MMACHC: variants seen among roughly 807,000 people sequenced by gnomAD.
MMACHC encodes the protein cyanocobalamin reductase / alkylcobalamin dealkylase.
In MMACHC, 14 loss-of-function variants were observed where a neutral mutation model predicts 17.6. The observed-to-expected ratio is 0.80, with a 90% CI of 0.53 to 1.25. The LOEUF (loss-of-function observed/expected upper bound fraction) is 1.25, where lower values mean the gene tolerates loss of function less well. MMACHC is among the 50% of genes most tolerant of loss of function. The pLI is 0.00. For synonymous variants in MMACHC, 151 were observed against 142.1 expected (o/e 1.06, Z -0.45); for missense variants, 392 against 364.5 (o/e 1.08, Z -0.62).
Position 45,507,416 on chromosome 1 carries a change from C to G in MMACHC, c.142C>G (p.Leu48Val). ...AFHLPLPGPTLAFLVLSTPAM... is the reference protein window; with the variant it reads ...AFHLPLPGPTVAFLVLSTPAM... ...CCACCTACCGCTGCCAGGACCTACC[C>G]TGGCCTTCCTGGTACTCAGCACGCC... The change falls in exon 2 of 4, where the codon CTG (leucine) becomes GTG (valine). Residue 48 changes from leucine (L) to valine (V), a missense_variant. Coordinates refer to ENST00000401061, the MANE Select transcript of MMACHC (RefSeq NM_015506.3). The G allele has an allele frequency of 6.2e-7, 1 of 1,614,182 alleles. No individual in the cohort carries two copies. Among genetic ancestry groups the G allele is most frequent in the Middle Eastern group, 1.6e-4 (1 of 6,062 alleles).
At position 45,512,108 on chromosome 1, in the gene MMACHC, T is replaced by TCC. The variant is rs1643762713; in HGVS notation, c.*2895_*2896dup. The TCC allele has an allele frequency of 1.8e-5, 2 of 113,324 alleles. No individual in the cohort carries two copies. Among genetic ancestry groups the TCC allele is most frequent in the East Asian group, 6.3e-4 (2 of 3,200 alleles). 7.0% of individuals were successfully genotyped at this position (113,324 alleles called of 1,614,324 possible). A position where few individuals can be genotyped will look rare whatever the true frequency, so the allele number is the denominator to read the frequency against. On this transcript the variant is annotated 3_prime_UTR_variant, in exon 4 of 4. Transcript: ENST00000401061. ...TTTTTTTTTTTTTTGAGATGGAGTC[T>TCC]CCCTCTGTTGCCCAGGCTGGAGTAC...
In MMACHC at chr1:45,510,076, C is replaced by CA. The variant is rs986671995; in HGVS notation, c.*877dup. On this transcript the variant is annotated 3_prime_UTR_variant, in exon 4 of 4. Transcript: ENST00000401061. ...TGGGTGACAGTGTGAGACTCTGTCT[C>CA]AAAAAAAAAAAAAAAAGTACCTACC... is the stretch of plus-strand genomic sequence containing the variant. 1,213 of 103,556 alleles carry CA rather than the reference C, an allele frequency of 0.012. 21 individuals carry two copies. The highest frequency in any genetic ancestry group is 0.075 in the Middle Eastern group (15 of 200). The allele number at this position is 103,556 out of a possible 1,614,324, so 6.4% of individuals were successfully genotyped here. A position where few individuals can be genotyped will look rare whatever the true frequency, so the allele number is the denominator to read the frequency against.
Position 45,500,407 on chromosome 1 carries a change from C to A in MMACHC, c.75C>A (p.Pro25=), listed in dbSNP as rs749003802. 3 of 1,614,174 alleles carry A rather than the reference C, an allele frequency of 1.9e-6. No individual in the cohort carries two copies. Among genetic ancestry groups the A allele is most frequent in the Admixed American group, 1.7e-5 (1 of 60,024 alleles). ...TLCPFGFEVY[P]FQVAWYNELL... ...GTCCTTTTGGCTTCGAGGTTTACCC[C>A]TTCCAGGTTAGTTTATCCCTCCTGC... The change falls in exon 1 of 4, where the codon CCC becomes CCA. Residue 25 remains proline (P), a synonymous_variant. Coordinates refer to ENST00000401061, the MANE Select transcript of MMACHC (RefSeq NM_015506.3).
rs148165542 is a variant in MMACHC at position 45,505,522 on chromosome 1, G to T, written c.82-1834G>T. 3.9e-3 allele frequency among the ~76,000 whole-genome samples: 599 copies of T among 152,106 alleles called. 3 individuals carry two copies. Among genetic ancestry groups the T allele is most frequent in the African/African-American group, 0.013 (538 of 41,538 alleles). ...TTACCCAGGCTGGTCTAAAACTCTT[G>T]GCCCCAAGCAGTCCTCCTACCTCAG... On this transcript the variant is annotated intron_variant, in intron 1 of 3. Transcript: ENST00000401061.
intron 1 of MMACHC, among the ~76,000 whole-genome samples, chr1:45,500,958 T>C (rs1353116549): frequency 6.6e-6 from 1 of 151,804 alleles, no homozygotes; most frequent in Non-Finnish European, 1.5e-5. Flanking sequence ...ATATGACCTG[T>C]AGCGTGTGTG....
At position 45,502,957 on chromosome 1, in the gene MMACHC, G is replaced by A. The variant is rs150400791; in HGVS notation, c.81+2544G>A. 5.9e-3 allele frequency among the ~76,000 whole-genome samples: 899 copies of A among 151,960 alleles called. 7 individuals are homozygous for A. Among genetic ancestry groups the A allele is most frequent in the Middle Eastern group, 0.034 (10 of 294 alleles). On this transcript the variant is annotated intron_variant, in intron 1 of 3. Transcript: ENST00000401061. ...CGACCTCAGGTGATCTGCCTGCGTT[G>A]GCCTCCCAAAGTGCTGGAATTACAG...
rs1044617218 is a variant in MMACHC, at chr1:45,510,150, T to A, written c.*935T>A. Reference sequence around the variant, plus strand: ...GTGTAAGGCACTTTGGAAAAATACCTGGCATATATAGTAAGCAGTATGTTG... The same window carrying A: ...GTGTAAGGCACTTTGGAAAAATACCAGGCATATATAGTAAGCAGTATGTTG... On this transcript the variant is annotated 3_prime_UTR_variant, in exon 4 of 4. Transcript: ENST00000401061. 2 of 151,890 alleles carry A rather than the reference T, an allele frequency of 1.3e-5. No homozygotes were observed. The highest frequency in any genetic ancestry group is 4.8e-5 in the African/African-American group (2 of 41,334). 9.4% of individuals were successfully genotyped at this position (151,890 alleles called of 1,614,324 possible).
In MMACHC at chr1:45,511,940, G is replaced by A. The variant is rs2149325805; in HGVS notation, c.*2725G>A. ...GCCATCTACCCCTTGGTAAGCAAAA[G>A]GCAGAGTTTGAAATTTTTCATAGAT... On this transcript the variant is annotated 3_prime_UTR_variant, in exon 4 of 4. Transcript: ENST00000401061. The A allele has an allele frequency of 6.6e-6, 1 of 152,300 alleles. No individual in the cohort carries two copies. Among genetic ancestry groups the A allele is most frequent in the Non-Finnish European group, 1.5e-5 (1 of 68,080 alleles). 9.4% of individuals were successfully genotyped at this position (152,300 alleles called of 1,614,324 possible).
chr1:45,507,259 AG>A, intron 1 of MMACHC, 96 bp from the exon 2 acceptor site: 1 of 1,125,868 alleles, frequency 8.9e-7, no homozygotes, highest in Non-Finnish European at 1.3e-6. Context: ...AGTGAGATGG[AG>A]GCTGGGGCAA....
At chr1:45,508,009 G>T (rs558950434) in intron 2 of MMACHC, among the ~76,000 whole-genome samples, 67 of 152,218 alleles carry the variant, frequency 4.4e-4, no homozygotes, top group Non-Finnish European at 8.8e-4. Flanking sequence ...TTCACACCAG[G>T]TGTTATGTAT....
intron 1 of MMACHC, among the ~76,000 whole-genome samples, chr1:45,502,093 C>T (rs548910192): frequency 6.6e-6 from 1 of 152,116 alleles, no homozygotes; most frequent in African/African-American, 2.4e-5. Context: ...CAAATTAAAT[C>T]CATATTCCTT....
chr1:45,513,025 G>C lies in MMACHC; in HGVS notation c.*3810G>C, dbSNP rs1643785202. ...AATTACAAGATCAGAGCTGAAATAG[G>C]CCTTAGAAAGCTAGTCTGGGCTGGG... On this transcript the variant is annotated 3_prime_UTR_variant, in exon 4 of 4. Coordinates refer to ENST00000401061, the MANE Select transcript of MMACHC (RefSeq NM_015506.3). 6.6e-6 allele frequency: 1 copy of C among 152,136 alleles called. No homozygotes were observed. The highest frequency in any genetic ancestry group is 2.4e-5 in the African/African-American group (1 of 41,428). 9.4% of individuals were successfully genotyped at this position (152,136 alleles called of 1,614,324 possible). A position where few individuals can be genotyped will look rare whatever the true frequency, so the allele number is the denominator to read the frequency against.
chr1:45,506,577 A>C (rs905694455), intron 1 of MMACHC, among the ~76,000 whole-genome samples: 3 of 151,806 alleles, frequency 2.0e-5, no homozygotes, highest in East Asian at 2.0e-4. Flanking sequence ...ACCTCTGCCT[A>C]CCGGGTTCAA....
intron 1 of MMACHC, 69 bp from the exon 2 acceptor site, chr1:45,507,287 G>A (rs1389265941): frequency 6.7e-7 from 1 of 1,488,730 alleles, no homozygotes. Flanking sequence ...GAGGCCTGAA[G>A]GTTAAGGTGT....
intron 1 of MMACHC, among the ~76,000 whole-genome samples, chr1:45,506,295 T>C (rs1643619058): frequency 6.6e-6 from 1 of 152,190 alleles, no homozygotes. Flanking sequence ...CATGGCATCA[T>C]ATGTTGATTC....
In MMACHC at chr1:45,510,377, G is replaced by C. The variant is rs1191078510; in HGVS notation, c.*1162G>C. 1.3e-5 allele frequency: 2 copies of C among 152,170 alleles called. No homozygotes were observed. Among genetic ancestry groups the C allele is most frequent in the South Asian group, 2.1e-4 (1 of 4,828 alleles). 9.4% of individuals were successfully genotyped at this position (152,170 alleles called of 1,614,324 possible). On this transcript the variant is annotated 3_prime_UTR_variant, in exon 4 of 4. Coordinates refer to ENST00000401061, the MANE Select transcript of MMACHC (RefSeq NM_015506.3). ...TTTTCCCAGCTGACAGCCTCTCTGA[G>C]GACAATGACATATGAATGAGGATCA...
intron 2 of MMACHC, 93 bp downstream of exon 2, chr1:45,507,643 G>T: frequency 7.1e-7 from 1 of 1,399,756 alleles, no homozygotes; most frequent in Non-Finnish European, 1.0e-6. Flanking sequence ...AGGGCTAGGA[G>T]CCACTTCAAA....
rs1327091670 is a variant in MMACHC at position 45,512,609 on chromosome 1, T to C, written c.*3394T>C. On this transcript the variant is annotated 3_prime_UTR_variant, in exon 4 of 4. Coordinates refer to ENST00000401061, the MANE Select transcript of MMACHC (RefSeq NM_015506.3). Reference sequence around the variant, plus strand: ...AGAGGCTGTACATGTTCCAGTGGGATGGGAAGCAGCAGAGACCAACAGAGT... The same window carrying C: ...AGAGGCTGTACATGTTCCAGTGGGACGGGAAGCAGCAGAGACCAACAGAGT... The C allele has an allele frequency of 6.6e-6, 1 of 151,848 alleles. No individual in the cohort carries two copies. Among genetic ancestry groups the C allele is most frequent in the Non-Finnish European group, 1.5e-5 (1 of 67,974 alleles). The allele number at this position is 151,848 out of a possible 1,614,324, so 9.4% of individuals were successfully genotyped here. A position where few individuals can be genotyped will look rare whatever the true frequency, so the allele number is the denominator to read the frequency against.
rs1413481284 is a variant in MMACHC, at chr1:45,510,026, G to T, written c.*811G>T. 1 of 149,660 alleles carries T rather than the reference G, an allele frequency of 6.7e-6. No homozygotes were observed. Among genetic ancestry groups the T allele is most frequent in the South Asian group, 2.1e-4 (1 of 4,736 alleles). 9.3% of individuals were successfully genotyped at this position (149,660 alleles called of 1,614,324 possible). ...AGGGAGGCAGAGATTGCAGTGAGCC[G>T]AGATTGCATGGCTGCACTCTAGCCT... is the stretch of plus-strand genomic sequence containing the variant. On this transcript the variant is annotated 3_prime_UTR_variant, in exon 4 of 4. Coordinates refer to ENST00000401061, the MANE Select transcript of MMACHC (RefSeq NM_015506.3).
Sources: allele counts gnomAD v4.1 joint callset (sites outside exome capture counted in the v4.1 genomes callset), GRCh38; gene constraint gnomAD v4.1.1; transcripts MANE v1.5; gene names NCBI Gene and HGNC (gene_info 2026-07-23, HGNC 2026-07-21).